Variants in UTS2B observed in about 807,000 individuals in gnomAD.
UTS2B encodes urotensin-2B.
In UTS2B, 21 loss-of-function variants were observed where a neutral mutation model predicts 19.2. The ratio of observed to expected loss-of-function variants is 1.09; its 90% CI spans 0.78 to 1.58. The LOEUF (loss-of-function observed/expected upper bound fraction) is 1.58, where lower values mean the gene tolerates loss of function less well. UTS2B is among the 40% of genes most tolerant of loss of function. UTS2B has a pLI of 0.00. For missense variants in UTS2B, 138 were observed against 130.3 expected, an observed-to-expected ratio of 1.06 and a Z score of -0.29; for synonymous variants, 57 against 50.2, an observed-to-expected ratio of 1.14 and a Z score of -0.58.
At chr3:191,284,878 C>G (rs1716492270) in intron 4 of UTS2B, among the ~76,000 whole-genome samples, 1 of 151,908 alleles carries the variant, frequency 6.6e-6, no homozygotes, top group Admixed American at 6.6e-5. Flanking sequence ...AAAGACTTTC[C>G]CAGACAAGCA....
At chr3:191,275,423 G>T in intron 7 of UTS2B, 78 bp from the exon 8 acceptor site, 1 of 1,157,588 alleles carries the variant, frequency 8.6e-7, no homozygotes, top group Non-Finnish European at 1.3e-6. Context: ...GCTTATGCCT[G>T]TAATCCCAGC....
chr3:191,292,334 C>T (rs1316121423), intron 4 of UTS2B, among the ~76,000 whole-genome samples: 1 of 152,084 alleles, frequency 6.6e-6, no homozygotes, highest in East Asian at 1.9e-4. Context: ...GTTCAATTTA[C>T]TCCTAAATAT....
chr3:191,302,986 A>C (rs542459870), intron 4 of UTS2B, among the ~76,000 whole-genome samples: 1 of 152,220 alleles, frequency 6.6e-6, no homozygotes, highest in African/African-American at 2.4e-5. Context: ...TAATATCATC[A>C]AATAGCGAAG....
the UTS2B span, among the ~76,000 whole-genome samples, chr3:191,342,044 A>G: frequency 6.6e-6 from 1 of 152,236 alleles, no homozygotes; most frequent in Non-Finnish European, 1.5e-5. Context: ...ATCTCAAGGT[A>G]TCTTTTAGAC....
At chr3:191,329,563 C>A in intron 1 of UTS2B, 1 of 1,094,570 alleles carries the variant, frequency 9.1e-7, no homozygotes, top group Non-Finnish European at 1.3e-6. Context: ...GCGAGCCCTG[C>A]CGGCCGGACT....
chr3:191,277,136 C>A (rs897764588), intron 6 of UTS2B, among the ~76,000 whole-genome samples: 3 of 152,022 alleles, frequency 2.0e-5, no homozygotes, highest in African/African-American at 7.2e-5. Flanking sequence ...ACTATTTTTG[C>A]TGGCATGTGG....
chr3:191,320,611 C>T (rs2108612486), intron 2 of UTS2B, among the ~76,000 whole-genome samples: 1 of 152,276 alleles, frequency 6.6e-6, no homozygotes, highest in South Asian at 2.1e-4. Flanking sequence ...GGCCAAAACC[C>T]AAGTGAGAGA....
chr3:191,329,483 C>A, intron 1 of UTS2B: 1 of 494,672 alleles, frequency 2.0e-6, no homozygotes, highest in Non-Finnish European at 3.5e-6. Context: ...CAGCTTGGTG[C>A]CTCGGGGACC....
At position 191,267,348 on chromosome 3, in the gene UTS2B, A is replaced by G. The variant is rs1715961495; in HGVS notation, c.*1068T>C. 2 of 152,266 alleles carry G rather than the reference A, an allele frequency of 1.3e-5. No homozygotes were observed. The highest frequency in any genetic ancestry group is 1.3e-4 in the Admixed American group (2 of 15,288). 9.4% of individuals were successfully genotyped at this position (152,266 alleles called of 1,614,324 possible). On this transcript the variant is annotated 3_prime_UTR_variant, in exon 9 of 9. Coordinates refer to ENST00000340524, the MANE Select transcript of UTS2B (RefSeq NM_198152.5). ...TGCAACTGATTAGTGATTATTCACA[A>G]CATAAACCTTAAGCTTATCATAATT...
chr3:191,272,796 G>C (rs1408728224), intron 8 of UTS2B, among the ~76,000 whole-genome samples: 1 of 151,668 alleles, frequency 6.6e-6, no homozygotes, highest in African/African-American at 2.4e-5. Context: ...AAAAGGCGAA[G>C]GTTGCAGTGA....
chr3:191,298,744 G>A (rs1333526772), intron 4 of UTS2B, among the ~76,000 whole-genome samples: 1 of 152,138 alleles, frequency 6.6e-6, no homozygotes, highest in Non-Finnish European at 1.5e-5. Flanking sequence ...AGAGTGTGGA[G>A]GGCTCAGAAG....
At chr3:191,295,718 A>G (rs1560139410) in intron 4 of UTS2B, among the ~76,000 whole-genome samples, 1 of 151,942 alleles carries the variant, frequency 6.6e-6, no homozygotes, top group Non-Finnish European at 1.5e-5. Context: ...ATTTTTCAGT[A>G]TTCACTGTCT....
chr3:191,294,673 C>A (rs1300257721), intron 4 of UTS2B: 1 of 151,330 alleles, frequency 6.6e-6, no homozygotes, highest in Admixed American at 6.6e-5. Context: ...TTATCAATTC[C>A]TTTTATAGCT....
At position 191,327,691 on chromosome 3, in the gene UTS2B, C is replaced by A. The variant is rs1717782114; in HGVS notation, c.-586+940G>T. Among the ~76,000 whole-genome samples the A allele has an allele frequency of 1.3e-5, 2 of 152,146 alleles. 1 individual carries two copies. Among genetic ancestry groups the A allele is most frequent in the Admixed American group, 1.3e-4 (2 of 15,268 alleles). On this transcript the variant is annotated intron_variant, in intron 2 of 8. Coordinates refer to ENST00000340524, the MANE Select transcript of UTS2B (RefSeq NM_198152.5). ...CCCATTGGTCAATCACAACAGGAAG[C>A]CACAGGTCAAAGGGGCCTAGTGATT...
At chr3:191,293,776 T>C (rs1716777832) in intron 4 of UTS2B, among the ~76,000 whole-genome samples, 1 of 151,866 alleles carries the variant, frequency 6.6e-6, no homozygotes, top group African/African-American at 2.4e-5. Flanking sequence ...GTATCTTCAA[T>C]AGTGGTTGAG....
chr3:191,294,765 A>C (rs937053855), intron 4 of UTS2B: 1 of 151,216 alleles, frequency 6.6e-6, no homozygotes, highest in Non-Finnish European at 1.5e-5. Context: ...ATGGTGGCTC[A>C]TTTCTGTAAT....
intron 2 of UTS2B, among the ~76,000 whole-genome samples, chr3:191,324,164 G>A (rs577129460): frequency 6.6e-6 from 1 of 152,332 alleles, no homozygotes; most frequent in Admixed American, 6.5e-5. Context: ...ACCTTAGCTA[G>A]ATCATTTAGC....
At chr3:191,324,274 T>C (rs2108616528) in intron 2 of UTS2B, among the ~76,000 whole-genome samples, 1 of 152,326 alleles carries the variant, frequency 6.6e-6, no homozygotes, top group South Asian at 2.1e-4. Flanking sequence ...ATTGGAGGCA[T>C]TCATAAGTGT....
intron 8 of UTS2B, among the ~76,000 whole-genome samples, chr3:191,269,501 G>GT (rs543202622): frequency 0.011 from 1,558 of 141,520 alleles, 18 homozygotes; most frequent in African/African-American, 0.025. Context: ...TTTTTTTCAG[G>GT]TTTTTTTTTT....
Sources: gnomAD v4.1 joint callset for allele counts (sites outside exome capture counted in the v4.1 genomes callset) on GRCh38, gnomAD v4.1.1 for gene constraint, MANE v1.5 for transcripts, NCBI Gene and HGNC (gene_info 2026-07-23, HGNC 2026-07-21) for gene names.